The following NDUFC2 variants were observed in gnomAD, a reference collection of about 807,000 sequenced individuals.
NDUFC2 encodes NADH dehydrogenase [ubiquinone] 1 subunit C2.
A neutral mutation model predicts 10.1 loss-of-function variants in NDUFC2; 2 were observed. That is an observed-to-expected ratio of 0.20 (90% CI 0.08 to 0.62). The LOEUF is 0.62. NDUFC2 is among the 20% of genes least tolerant of loss of function. NDUFC2 has a pLI of 0.87. For missense variants in NDUFC2, 156 were observed against 159.6 expected, an observed-to-expected ratio of 0.98 and a Z score of 0.12; for synonymous variants, 61 against 63.6, an observed-to-expected ratio of 0.96 and a Z score of 0.20.
chr11:78,073,877 CTTT>C (rs879863501), intron 1 of NDUFC2, among the ~76,000 whole-genome samples: 8 of 131,458 alleles, frequency 6.1e-5, no homozygotes, highest in Non-Finnish European at 1.3e-4. Context: ...CCTACATATT[CTTT>C]TTTTTTTTTG....
intron 2 of NDUFC2, among the ~76,000 whole-genome samples, chr11:78,072,546 GT>G (rs1859055969): frequency 6.6e-6 from 1 of 152,232 alleles, no homozygotes; most frequent in African/African-American, 2.4e-5. Flanking sequence ...CAAGTGGTGA[GT>G]TAAGAGGCAA....
Position 78,079,839 on chromosome 11 carries a change from C to A in NDUFC2, c.-95G>T. ...CCCCGGCCTAAGCGGTCAGCTTTCT[C>A]CTCCTCCTCTGCGCGCCGGACTCAC... On this transcript the variant is annotated 5_prime_UTR_variant, in exon 1 of 3. Transcript: ENST00000281031. 2 of 1,444,100 alleles carry A rather than the reference C, an allele frequency of 1.4e-6. No homozygotes were observed. Among genetic ancestry groups the A allele is most frequent in the South Asian group, 1.4e-5 (1 of 73,774 alleles). The allele number at this position is 1,444,100 out of a possible 1,614,324, so 89.5% of individuals were successfully genotyped here.
intron 1 of NDUFC2, 54 bp downstream of exon 1, chr11:78,079,525 T>C: frequency 6.5e-7 from 1 of 1,533,474 alleles, no homozygotes; most frequent in East Asian, 2.5e-5. Context: ...CGGGCCAGTC[T>C]GCAGCCCTAC....
At chr11:78,078,562 A>T (rs991789609) in intron 1 of NDUFC2, among the ~76,000 whole-genome samples, 3 of 152,052 alleles carry the variant, frequency 2.0e-5, no homozygotes, top group Non-Finnish European at 4.4e-5. Context: ...TTATTATCAG[A>T]ATAGTCAGTG....
At chr11:78,070,265 G>C (rs941755189) in intron 2 of NDUFC2, among the ~76,000 whole-genome samples, 2 of 152,082 alleles carry the variant, frequency 1.3e-5, no homozygotes, top group Admixed American at 1.3e-4. Context: ...CCTCATGAGG[G>C]GGATCGGCTT....
intron 1 of NDUFC2, among the ~76,000 whole-genome samples, chr11:78,074,137 C>T (rs1253451582): frequency 6.6e-6 from 1 of 151,898 alleles, no homozygotes; most frequent in Non-Finnish European, 1.5e-5. Context: ...GCCTCAGCCT[C>T]CCAAAGTGTT....
chr11:78,078,742 T>TTTTTTTTTTTTTTTTTTTTTCTTC (rs1859362536), intron 1 of NDUFC2, among the ~76,000 whole-genome samples: 1 of 142,264 alleles, frequency 7.0e-6, no homozygotes, highest in African/African-American at 2.6e-5. Flanking sequence ...TTTTTTTTTT[T>TTTTTTTTTTTTTTTTTTTTTCTTC]TGAGACAGGG....
At position 78,073,125 on chromosome 11, in the gene NDUFC2, A is replaced by G; in HGVS notation, c.183T>C (p.Leu61=). Residue 61 remains leucine (L), a synonymous_variant, in exon 2 of 3, where the codon CTT becomes CTC. Coordinates refer to ENST00000281031, the MANE Select transcript of NDUFC2 (RefSeq NM_004549.6). ...CAAAAAAAAAGGCCGTAATATATAGAAGCTGGCGATGCAAACCTGAAATTC... is the reference window on the plus strand; with the variant it reads ...CAAAAAAAAAGGCCGTAATATATAGGAGCTGGCGATGCAAACCTGAAATTC... ...PIATAGLHRQ[L]LYITAFFFAG... 1 of 1,612,848 alleles carries G rather than the reference A, an allele frequency of 6.2e-7. No individual in the cohort carries two copies. The highest frequency in any genetic ancestry group is 8.5e-7 in the Non-Finnish European group (1 of 1,179,800).
chr11:78,075,281 T>C (rs1859197253), intron 1 of NDUFC2, among the ~76,000 whole-genome samples: 2 of 152,202 alleles, frequency 1.3e-5, no homozygotes, highest in East Asian at 1.9e-4. Flanking sequence ...AAATTCTATT[T>C]ATTGATAGTA....
intron 1 of NDUFC2, among the ~76,000 whole-genome samples, chr11:78,079,113 C>CAAAAAAAAA (rs386374249): frequency 7.3e-6 from 1 of 137,616 alleles, no homozygotes; most frequent in Non-Finnish European, 1.5e-5. Flanking sequence ...ATTCAGAGGT[C>CAAAAAAAAA]AAAAAAAAAA....
chr11:78,069,686 C>T lies in NDUFC2; in HGVS notation c.*301G>A. 1 of 599,774 alleles carries T rather than the reference C, an allele frequency of 1.7e-6. No individual in the cohort carries two copies. Among genetic ancestry groups the T allele is most frequent in the Non-Finnish European group, 2.9e-6 (1 of 346,642 alleles). The allele number at this position is 599,774 out of a possible 1,614,324, so 37.2% of individuals were successfully genotyped here. A position where few individuals can be genotyped will look rare whatever the true frequency, so the allele number is the denominator to read the frequency against. On this transcript the variant is annotated 3_prime_UTR_variant, in exon 3 of 3. Coordinates refer to ENST00000281031, the MANE Select transcript of NDUFC2 (RefSeq NM_004549.6). The stretch of plus-strand genomic sequence containing the variant: ...CATAAACAACATGTAAACAAATGAG[C>T]ATGGCTGTGTTCCAATGAGACTTTA...
At chr11:78,078,955 A>C (rs1043776274) in intron 1 of NDUFC2, among the ~76,000 whole-genome samples, 9 of 150,816 alleles carry the variant, frequency 6.0e-5, no homozygotes, top group Non-Finnish European at 1.3e-4. Flanking sequence ...CGAATTCCTG[A>C]GCTCAGGCGA....
Position 78,070,141 on chromosome 11 carries a change from C to T in NDUFC2, c.311-105G>A, listed in dbSNP as rs907304723. 6.3e-6 allele frequency: 5 copies of T among 793,084 alleles called. No individual in the cohort carries two copies. In the African/African-American group the frequency reaches 7.0e-5, roughly 11 times the overall value. 49.1% of individuals were successfully genotyped at this position (793,084 alleles called of 1,614,324 possible). Reference sequence around the variant, plus strand: ...CACTAATCTTATGATTGAAATCCTGCTGTGGTCTGAATGTTCATGTCCCCC... The same window carrying T: ...CACTAATCTTATGATTGAAATCCTGTTGTGGTCTGAATGTTCATGTCCCCC... On this transcript the variant is annotated intron_variant, in intron 2 of 2. Coordinates refer to ENST00000281031, the MANE Select transcript of NDUFC2 (RefSeq NM_004549.6).
chr11:78,075,465 C>T (rs915514035), intron 1 of NDUFC2, among the ~76,000 whole-genome samples: 1 of 152,106 alleles, frequency 6.6e-6, no homozygotes, highest in African/African-American at 2.4e-5. Flanking sequence ...ACCACATGTA[C>T]CCCCAAAATA....
intron 1 of NDUFC2, among the ~76,000 whole-genome samples, chr11:78,078,675 A>C (rs1489528524): frequency 1.4e-5 from 2 of 144,632 alleles, no homozygotes; most frequent in Admixed American, 7.2e-5. Flanking sequence ...GCAGTGTTTG[A>C]GCGCTTGTTG....
In NDUFC2 at chr11:78,069,621, T is replaced by C. The variant is rs1441524821; in HGVS notation, c.*366A>G. 2.0e-6 allele frequency: 1 copy of C among 508,684 alleles called. No homozygotes were observed. The highest frequency in any genetic ancestry group is 3.0e-5 in the South Asian group (1 of 33,506). The allele number at this position is 508,684 out of a possible 1,614,324, so 31.5% of individuals were successfully genotyped here. A position where few individuals can be genotyped will look rare whatever the true frequency, so the allele number is the denominator to read the frequency against. On this transcript the variant is annotated 3_prime_UTR_variant, in exon 3 of 3. Transcript: ENST00000281031. ...AGGCTTTGCAGGCCATAGGTCTCTATCACAACTACTCAATTCTGCTCTTGC... is the reference window on the plus strand; with the variant it reads ...AGGCTTTGCAGGCCATAGGTCTCTACCACAACTACTCAATTCTGCTCTTGC...
chr11:78,072,853 T>G lies in NDUFC2; in HGVS notation c.310+145A>C. ...GGAGGTAGTCAGAAACTGGATATAT[T>G]AATTCAAGAGAATTTTGGTCTATAG... On this transcript the variant is annotated intron_variant, in intron 2 of 2. Coordinates refer to ENST00000281031, the MANE Select transcript of NDUFC2 (RefSeq NM_004549.6). 4 of 1,172,774 alleles carry G rather than the reference T, an allele frequency of 3.4e-6. No individual in the cohort carries two copies. In the South Asian group the frequency reaches 6.6e-5, roughly 19 times the overall value. The allele number at this position is 1,172,774 out of a possible 1,614,324, so 72.6% of individuals were successfully genotyped here. A position where few individuals can be genotyped will look rare whatever the true frequency, so the allele number is the denominator to read the frequency against.
intron 2 of NDUFC2, among the ~76,000 whole-genome samples, chr11:78,072,122 C>G (rs1859035367): frequency 6.6e-6 from 1 of 152,172 alleles, no homozygotes; most frequent in South Asian, 2.1e-4. Context: ...AATGAGCCAT[C>G]CTAAGGAGTC....
chr11:78,073,756 C>T (rs890252212), intron 1 of NDUFC2, among the ~76,000 whole-genome samples: 9 of 131,244 alleles, frequency 6.9e-5, no homozygotes, highest in South Asian at 2.6e-4. Context: ...GAGCCGAGAT[C>T]GCGCCGTTGC....
Sources: allele counts gnomAD v4.1 joint callset (sites outside exome capture counted in the v4.1 genomes callset), GRCh38; gene constraint gnomAD v4.1.1; transcripts MANE v1.5; gene names NCBI Gene and HGNC (gene_info 2026-07-23, HGNC 2026-07-21).